The following ADAMTSL1 variants were observed in gnomAD, a reference collection of about 807,000 sequenced individuals.
The protein encoded by ADAMTSL1 is ADAMTS like 1.
Under a neutral mutation model 201.8 loss-of-function variants are expected in ADAMTSL1, and 126 were observed. That is an observed-to-expected ratio of 0.62 (90% confidence interval 0.54 to 0.72). The LOEUF is 0.72. Ranked by LOEUF, ADAMTSL1 falls within the 30% of genes least tolerant of loss-of-function variation. ADAMTSL1 has a pLI of 0.00. For missense variants in ADAMTSL1, 2,679 were observed against 2,277.8 expected (o/e 1.18, Z -3.59); for synonymous variants, 1,121 against 903.4 (o/e 1.24, Z -4.32).
At chr9:18,301,385 C>T (rs1303998599) in intron 2 of ADAMTSL1, among the ~76,000 whole-genome samples, 4 of 152,030 alleles carry the variant, frequency 2.6e-5, no homozygotes, top group Admixed American at 6.6e-5. Flanking sequence ...CAGTAGTTCC[C>T]CCTTTTCCAC....
At chr9:18,139,679 T>G (rs577477481) in intron 1 of ADAMTSL1, among the ~76,000 whole-genome samples, 1 of 152,192 alleles carries the variant, frequency 6.6e-6, no homozygotes, top group Admixed American at 6.5e-5. Context: ...CCTATGTGAC[T>G]GCTATGTAGG....
chr9:18,685,037 C>T, intron 13 of ADAMTSL1: 1 of 1,169,084 alleles, frequency 8.6e-7, no homozygotes, highest in East Asian at 4.2e-5. Flanking sequence ...AGTGCTTACC[C>T]TCTTCTCCAA....
intron 23 of ADAMTSL1, among the ~76,000 whole-genome samples, chr9:18,871,155 C>G (rs1827850671): frequency 6.6e-6 from 1 of 152,110 alleles, no homozygotes; most frequent in Non-Finnish European, 1.5e-5. Context: ...TTTTATCATT[C>G]CAACGTGAGT....
At chr9:18,581,381 A>G (rs1341898478) in intron 4 of ADAMTSL1, among the ~76,000 whole-genome samples, 4 of 152,122 alleles carry the variant, frequency 2.6e-5, no homozygotes, top group South Asian at 2.1e-4. Flanking sequence ...AGAGGTTTTG[A>G]CTTTAGCTTA....
intron 2 of ADAMTSL1, among the ~76,000 whole-genome samples, chr9:18,205,909 C>T: frequency 6.6e-6 from 1 of 151,770 alleles, no homozygotes; most frequent in Middle Eastern, 3.2e-3. Flanking sequence ...CAAAAATTAG[C>T]CAGGCATGAT....
At chr9:18,416,521 C>G (rs1306596728) in intron 2 of ADAMTSL1, among the ~76,000 whole-genome samples, 3 of 151,880 alleles carry the variant, frequency 2.0e-5, no homozygotes, top group African/African-American at 7.2e-5. Flanking sequence ...ATGCTGCCTT[C>G]AAGAAGTATA....
intron 16 of ADAMTSL1, among the ~76,000 whole-genome samples, chr9:18,757,652 G>A (rs1034488316): frequency 2.6e-5 from 4 of 152,028 alleles, no homozygotes; most frequent in South Asian, 2.1e-4. Flanking sequence ...TCCCTCTTCT[G>A]CAGTGACTCT....
At chr9:18,232,707 A>T (rs1830691211) in intron 2 of ADAMTSL1, among the ~76,000 whole-genome samples, 1 of 152,154 alleles carries the variant, frequency 6.6e-6, no homozygotes, top group Non-Finnish European at 1.5e-5. Context: ...GACAAATAGT[A>T]AATTTGTACA....
chr9:18,115,502 A>G (rs1201601069), intron 1 of ADAMTSL1, among the ~76,000 whole-genome samples: 2 of 152,170 alleles, frequency 1.3e-5, no homozygotes, highest in African/African-American at 4.8e-5. Context: ...AGAAACACAC[A>G]CCAATGATAG....
chr9:18,071,970 A>G (rs1031480327), intron 1 of ADAMTSL1, among the ~76,000 whole-genome samples: 1 of 152,158 alleles, frequency 6.6e-6, no homozygotes, highest in Non-Finnish European at 1.5e-5. Context: ...TTAATATAGA[A>G]CAAGCTTAAT....
At chr9:18,438,680 C>T (rs977906680) in intron 2 of ADAMTSL1, among the ~76,000 whole-genome samples, 5 of 152,212 alleles carry the variant, frequency 3.3e-5, no homozygotes, top group Non-Finnish European at 5.9e-5. Flanking sequence ...CCACCATTTG[C>T]TGTTGTTGGC....
At chr9:18,476,150 G>A (rs1399013132) in intron 1 of ADAMTSL1, among the ~76,000 whole-genome samples, 1 of 152,160 alleles carries the variant, frequency 6.6e-6, no homozygotes, top group Non-Finnish European at 1.5e-5. Context: ...AGAACTGACT[G>A]ATGTTTACAT....
intron 9 of ADAMTSL1, among the ~76,000 whole-genome samples, chr9:18,671,483 G>A (rs1020181623): frequency 1.3e-5 from 2 of 152,190 alleles, no homozygotes; most frequent in African/African-American, 2.4e-5. Flanking sequence ...ATGACAACTG[G>A]AAGAACTGAG....
intron 1 of ADAMTSL1, among the ~76,000 whole-genome samples, chr9:18,016,942 C>T (rs1436767066): frequency 6.6e-6 from 1 of 151,938 alleles, no homozygotes; most frequent in African/African-American, 2.4e-5. Flanking sequence ...GGAGATAACA[C>T]CATACACTTT....
intron 2 of ADAMTSL1, among the ~76,000 whole-genome samples, chr9:18,376,209 T>G (rs1381351021): frequency 2.0e-5 from 3 of 152,252 alleles, no homozygotes; most frequent in Non-Finnish European, 4.4e-5. Context: ...TTTTAAGATA[T>G]TTCTTGTAAG....
intron 23 of ADAMTSL1, among the ~76,000 whole-genome samples, chr9:18,854,190 T>C (rs984777771): frequency 1.3e-5 from 2 of 152,180 alleles, no homozygotes; most frequent in African/African-American, 4.8e-5. Flanking sequence ...AATATCTTTT[T>C]GTCTTCTAGA....
chr9:17,943,425 A>G (rs1827322385), intron 1 of ADAMTSL1, among the ~76,000 whole-genome samples: 1 of 152,144 alleles, frequency 6.6e-6, no homozygotes, highest in African/African-American at 2.4e-5. Flanking sequence ...TTCTCACCTT[A>G]TCGCAGGTCA....
At chr9:18,252,316 C>T (rs1243798460) in intron 2 of ADAMTSL1, among the ~76,000 whole-genome samples, 1 of 152,036 alleles carries the variant, frequency 6.6e-6, no homozygotes, top group Non-Finnish European at 1.5e-5. Context: ...TGTGCTCAAC[C>T]TCATTTACTG....
Position 18,460,957 on chromosome 9 carries a change from G to C in ADAMTSL1, c.208-43872G>C, listed in dbSNP as rs552139132. 2.8e-4 allele frequency among the ~76,000 whole-genome samples: 43 copies of C among 152,276 alleles called. 1 individual carries two copies. In the South Asian group the frequency reaches 6.0e-3, roughly 21 times the overall value. ...ATAAAAACATTTTATTGGCATGTGA[G>C]TGATAACATTGGCCATTTAAAGATA... On this transcript the variant is annotated intron_variant, in intron 2 of 29. Coordinates refer to the ADAMTSL1 transcript ENST00000680146.
Sources: gnomAD v4.1 joint callset for allele counts (sites outside exome capture counted in the v4.1 genomes callset) on GRCh38, gnomAD v4.1.1 for gene constraint, MANE v1.5 for transcripts, NCBI Gene and HGNC (gene_info 2026-07-23, HGNC 2026-07-21) for gene names.